The following DYRK4 variants were observed in gnomAD, a reference collection of about 807,000 sequenced individuals.
DYRK4 encodes dual specificity tyrosine-phosphorylation-regulated kinase 4.
A neutral mutation model predicts 68.3 loss-of-function variants in DYRK4; 64 were observed. The observed-to-expected ratio is 0.94, with a 90% confidence interval of 0.77 to 1.15. DYRK4 has a LOEUF of 1.15. DYRK4 is among the 50% of genes most tolerant of loss of function. The pLI, the probability that DYRK4 is intolerant of heterozygous loss-of-function variation, is 0.00. For synonymous variants in DYRK4, 274 were observed against 289.9 expected, an observed-to-expected ratio of 0.95 and a Z score of 0.56; for missense variants, 740 against 764.7, an observed-to-expected ratio of 0.97 and a Z score of 0.38.
chr12:4,566,053 T>C (rs1167781344), intron 1 of DYRK4, among the ~76,000 whole-genome samples: 1 of 152,220 alleles, frequency 6.6e-6, no homozygotes, highest in Non-Finnish European at 1.5e-5. Flanking sequence ...ACAAATCCCA[T>C]GTCCAGTTGA....
chr12:4,580,433 G>C (rs540324731), intron 2 of DYRK4, among the ~76,000 whole-genome samples: 1 of 152,282 alleles, frequency 6.6e-6, no homozygotes, highest in African/African-American at 2.4e-5. Context: ...GGACTTAAAG[G>C]GCAGACCCTT....
chr12:4,576,101 A>C (rs1944786384), intron 2 of DYRK4, among the ~76,000 whole-genome samples: 1 of 152,210 alleles, frequency 6.6e-6, no homozygotes, highest in Non-Finnish European at 1.5e-5. Flanking sequence ...CAAAGGCATA[A>C]TGTCATTTGT....
Position 4,607,398 on chromosome 12 carries a change from G to T in DYRK4, c.1360+11G>T. 6.2e-7 allele frequency: 1 copy of T among 1,614,156 alleles called. No homozygotes were observed. Among genetic ancestry groups the T allele is most frequent in the Non-Finnish European group, 8.5e-7 (1 of 1,180,006 alleles). On this transcript the variant is annotated intron_variant, in intron 12 of 14. Transcript: ENST00000543431. ...GACAGACATTCTTTGGTAAGTCCTA[G>T]TGTGTCTCATGAGGTGTCACAGGCC...
At chr12:4,603,924 A>C (rs1168920669) in intron 10 of DYRK4, among the ~76,000 whole-genome samples, 1 of 152,050 alleles carries the variant, frequency 6.6e-6, no homozygotes, top group Non-Finnish European at 1.5e-5. Flanking sequence ...TTTTATCTTT[A>C]TTTTAACTGT....
chr12:4,567,625 C>T (rs981789744), intron 1 of DYRK4, among the ~76,000 whole-genome samples: 1 of 152,176 alleles, frequency 6.6e-6, no homozygotes, highest in Non-Finnish European at 1.5e-5. Context: ...CCCATGAATA[C>T]GCCCATCCTG....
rs758684611 is a variant in DYRK4 at position 4,607,367 on chromosome 12, C to T, written c.1340C>T (p.Ser447Phe). 6.2e-7 allele frequency: 1 copy of T among 1,614,182 alleles called. No individual in the cohort carries two copies. The highest frequency in any genetic ancestry group is 8.5e-7 in the Non-Finnish European group (1 of 1,180,020). The change falls in exon 12 of 15, where the codon TCC (serine) becomes TTC (phenylalanine). Residue 447 changes from serine (S) to phenylalanine (F), a missense_variant. Coordinates refer to ENST00000543431, the MANE Select transcript of DYRK4 (RefSeq NM_001394779.1). Reference sequence around the variant, plus strand: ...CCAGCCGGCTTCATTCAGACAGCCTCCAGGAGACAGACATTCTTTGGTAAG... The same window carrying T: ...CCAGCCGGCTTCATTCAGACAGCCTTCAGGAGACAGACATTCTTTGGTAAG... ...LPPAGFIQTA[S>F]RRQTFFDSKG...
intron 2 of DYRK4, among the ~76,000 whole-genome samples, chr12:4,568,338 T>C (rs1337757016): frequency 6.6e-6 from 1 of 152,222 alleles, no homozygotes; most frequent in Non-Finnish European, 1.5e-5. Context: ...CTACTGGAAG[T>C]TACCTGGAAT....
At chr12:4,566,803 ATG>A (rs1038787165) in intron 1 of DYRK4, among the ~76,000 whole-genome samples, 1 of 152,178 alleles carries the variant, frequency 6.6e-6, no homozygotes, top group African/African-American at 2.4e-5. Flanking sequence ...TATTGTCTGT[ATG>A]TGTGTGTATG....
At chr12:4,565,909 G>A (rs956932561) in intron 1 of DYRK4, among the ~76,000 whole-genome samples, 12 of 152,170 alleles carry the variant, frequency 7.9e-5, no homozygotes, top group Admixed American at 3.9e-4. Context: ...GATTACAGGC[G>A]TGAGCCACCA....
At chr12:4,589,560 A>G (rs60680748) in intron 3 of DYRK4, among the ~76,000 whole-genome samples, 9,538 of 152,256 alleles carry the variant, frequency 0.063, 804 homozygotes, top group African/African-American at 0.19. Flanking sequence ...GATCCCATAA[A>G]TAAGTGAGAA....
At chr12:4,610,394 G>T in intron 13 of DYRK4, 110 bp downstream of exon 13, 1 of 1,173,064 alleles carries the variant, frequency 8.5e-7, no homozygotes. Flanking sequence ...AAAGTAACAA[G>T]AAATGCTAAC....
Position 4,593,176 on chromosome 12 carries a change from TGGGGG to T in DYRK4, c.627+12_627+16del. The T allele has an allele frequency of 1.9e-6, 3 of 1,611,196 alleles. No individual in the cohort carries two copies. On this transcript the variant is annotated intron_variant, in intron 6 of 14. Transcript: ENST00000543431. ...GGCTTCTATCTGAAGGTGATGGGGG[TGGGGG>T]CCATGGGAACCTGCAGGGGCCCAGG...
chr12:4,576,473 C>A (rs1361020845), intron 2 of DYRK4, among the ~76,000 whole-genome samples: 1 of 152,178 alleles, frequency 6.6e-6, no homozygotes, highest in Non-Finnish European at 1.5e-5. Context: ...CTGCTATAAG[C>A]ATTCATGTGC....
At chr12:4,575,889 G>C (rs558965747) in intron 2 of DYRK4, among the ~76,000 whole-genome samples, 143 of 152,272 alleles carry the variant, frequency 9.4e-4, no homozygotes, top group African/African-American at 3.3e-3. Flanking sequence ...TTAAAGAGCA[G>C]TTTTAGGTTC....
At position 4,591,602 on chromosome 12, in the gene DYRK4, A is replaced by C; in HGVS notation, c.463+304A>C. The C allele has an allele frequency of 3.0e-6, 1 of 330,210 alleles. No homozygotes were observed. The highest frequency in any genetic ancestry group is 5.5e-6 in the Non-Finnish European group (1 of 180,362). The allele number at this position is 330,210 out of a possible 1,614,324, so 20.5% of individuals were successfully genotyped here. A position where few individuals can be genotyped will look rare whatever the true frequency, so the allele number is the denominator to read the frequency against. Reference sequence around the variant, plus strand: ...CCAGACACAAGGCTCCTGTCATTTTATGGACCCAGGGGCCAGCGGGAAGGC... The same window carrying C: ...CCAGACACAAGGCTCCTGTCATTTTCTGGACCCAGGGGCCAGCGGGAAGGC... On this transcript the variant is annotated intron_variant, in intron 5 of 14. Coordinates refer to ENST00000543431, the MANE Select transcript of DYRK4 (RefSeq NM_001394779.1). This position sits in a 1 kb window ranked among gnomAD's most constrained non-coding sequence, Gnocchi z 4.1.
Position 4,613,539 on chromosome 12 carries a change from A to G in DYRK4, c.1691A>G (p.Glu564Gly), listed in dbSNP as rs1270602776. Residue 564 changes from glutamate to glycine, a missense_variant, in exon 15 of 15, where the codon GAG becomes GGG. Glu to Gly is a moderately conservative substitution (Grantham distance 98). Transcript: ENST00000543431. The surrounding 1 kb of genome is among the most constrained non-coding windows in gnomAD (Gnocchi z 4.0). ...GATGAGATCACCAAAGAGACTACAG[A>G]GAAAACAAAAGATAGCCCCACGAAG... ...RKDEITKETT[E>G]KTKDSPTKHV... 6.2e-7 allele frequency: 1 copy of G among 1,613,854 alleles called. No homozygotes were observed. The highest frequency in any genetic ancestry group is 8.5e-7 in the Non-Finnish European group (1 of 1,179,730).
rs1945259530 is a variant in DYRK4, at chr12:4,613,873, C to CT, written c.*121dup. ...ACATAAAACTTTATGTTAAAAAACT[C>CT]TATTAACATGGCCAATTGGCATGAC... On this transcript the variant is annotated 3_prime_UTR_variant, in exon 15 of 15. Transcript: ENST00000543431. This position sits in a 1 kb window ranked among gnomAD's most constrained non-coding sequence, Gnocchi z 4.0. 5.5e-6 allele frequency: 7 copies of CT among 1,269,920 alleles called. No homozygotes were observed. Among genetic ancestry groups the CT allele is most frequent in the Middle Eastern group, 2.0e-4 (1 of 4,966 alleles). The allele number at this position is 1,269,920 out of a possible 1,614,324, so 78.7% of individuals were successfully genotyped here.
chr12:4,597,014 A>G (rs1337157866), intron 8 of DYRK4: 1 of 1,242,762 alleles, frequency 8.0e-7, no homozygotes, highest in Non-Finnish European at 1.0e-6. Context: ...TAAGAGCTAA[A>G]CTGAAATAGT....
At chr12:4,582,181 C>T (rs1361060139) in intron 2 of DYRK4, among the ~76,000 whole-genome samples, 5 of 152,190 alleles carry the variant, frequency 3.3e-5, no homozygotes, top group African/African-American at 4.8e-5. Flanking sequence ...CAGTGGCTCA[C>T]GCCTGTAATC....
Sources: allele counts gnomAD v4.1 joint callset (sites outside exome capture counted in the v4.1 genomes callset), GRCh38; gene constraint gnomAD v4.1.1; non-coding constraint Gnocchi (gnomAD v3.1); transcripts MANE v1.5; gene names NCBI Gene and HGNC (gene_info 2026-07-23, HGNC 2026-07-21).